Variants in SMAP1 observed in about 807,000 individuals in gnomAD.
SMAP1 encodes the protein small ArfGAP 1.
Under a neutral mutation model 58.5 loss-of-function variants are expected in SMAP1, and 24 were observed. The observed-to-expected ratio is 0.41, with a 90% CI of 0.30 to 0.58. The LOEUF is 0.58. SMAP1 is among the 20% of genes least tolerant of loss of function. The pLI is 0.29. For missense variants in SMAP1, 563 were observed against 566.3 expected (o/e 0.99, Z 0.06); for synonymous variants, 216 against 196.6 (o/e 1.10, Z -0.82).
intron 3 of SMAP1, among the ~76,000 whole-genome samples, chr6:70,762,859 A>G (rs548414179): frequency 2.6e-5 from 4 of 152,160 alleles, no homozygotes; most frequent in South Asian, 2.1e-4. Flanking sequence ...TCTCAACTGC[A>G]TTTGAATTAT....
chr6:70,753,559 G>A (rs1290833082), intron 2 of SMAP1, among the ~76,000 whole-genome samples: 2 of 152,038 alleles, frequency 1.3e-5, no homozygotes, highest in African/African-American at 4.8e-5. Flanking sequence ...TTTCAGGAAG[G>A]GTGAGCTATA....
chr6:70,850,037 AC>A (rs1188299948), intron 7 of SMAP1, among the ~76,000 whole-genome samples: 3 of 152,224 alleles, frequency 2.0e-5, no homozygotes, highest in Non-Finnish European at 4.4e-5. Context: ...GTGTTGTTTT[AC>A]GGATTAGAAA....
intron 2 of SMAP1, among the ~76,000 whole-genome samples, chr6:70,742,623 C>T (rs1765863261): frequency 6.6e-6 from 1 of 152,210 alleles, no homozygotes; most frequent in Non-Finnish European, 1.5e-5. Context: ...CTGCCTGTTC[C>T]CCAGTTCCAA....
At chr6:70,780,358 T>A (rs1448769046) in intron 4 of SMAP1, among the ~76,000 whole-genome samples, 1 of 152,134 alleles carries the variant, frequency 6.6e-6, no homozygotes, top group South Asian at 2.1e-4. Flanking sequence ...GGAGGATCGC[T>A]TGAGTCCAGG....
At chr6:70,773,746 A>G (rs751593440) in intron 4 of SMAP1, among the ~76,000 whole-genome samples, 1 of 152,200 alleles carries the variant, frequency 6.6e-6, no homozygotes, top group Non-Finnish European at 1.5e-5. Context: ...AATGTATGAA[A>G]AAGAAAAAAG....
At chr6:70,838,630 G>A (rs1305503216) in intron 7 of SMAP1, among the ~76,000 whole-genome samples, 1 of 152,058 alleles carries the variant, frequency 6.6e-6, no homozygotes, top group Non-Finnish European at 1.5e-5. Flanking sequence ...CAGATGCAAA[G>A]GCTCTTCAGT....
chr6:70,792,101 A>G (rs1175061850), intron 5 of SMAP1, among the ~76,000 whole-genome samples: 1 of 152,146 alleles, frequency 6.6e-6, no homozygotes, highest in Non-Finnish European at 1.5e-5. Context: ...TTCTGTTGTT[A>G]AAAGCACTTA....
intron 3 of SMAP1, among the ~76,000 whole-genome samples, chr6:70,758,774 C>T (rs1297023251): frequency 6.6e-6 from 1 of 152,048 alleles, no homozygotes; most frequent in Non-Finnish European, 1.5e-5. Context: ...TTAAGATTGG[C>T]TTTGGTTCTG....
chr6:70,748,890 A>G (rs1766157701), intron 2 of SMAP1, among the ~76,000 whole-genome samples: 1 of 152,110 alleles, frequency 6.6e-6, no homozygotes, highest in African/African-American at 2.4e-5. Flanking sequence ...ATATATATAT[A>G]TATACACAGA....
chr6:70,814,779 A>T (rs1769545066), intron 6 of SMAP1, among the ~76,000 whole-genome samples: 1 of 152,146 alleles, frequency 6.6e-6, no homozygotes, highest in Non-Finnish European at 1.5e-5. Flanking sequence ...TTGGTCTGAC[A>T]GTTTGTTCTT....
At chr6:70,710,311 T>G (rs907133326) in intron 1 of SMAP1, among the ~76,000 whole-genome samples, 1 of 151,674 alleles carries the variant, frequency 6.6e-6, no homozygotes, top group East Asian at 1.9e-4. Flanking sequence ...GCCAACATGG[T>G]GAAACCCCAT....
chr6:70,751,721 A>G (rs1226281431), intron 2 of SMAP1, among the ~76,000 whole-genome samples: 3 of 152,216 alleles, frequency 2.0e-5, no homozygotes, highest in Non-Finnish European at 4.4e-5. Context: ...AAGCAAGTTT[A>G]GAAAATTTAA....
chr6:70,691,558 A>G (rs1239822101), intron 1 of SMAP1, among the ~76,000 whole-genome samples: 1 of 152,106 alleles, frequency 6.6e-6, no homozygotes, highest in Non-Finnish European at 1.5e-5. Context: ...CATTCTAACT[A>G]TATATTTAAA....
At chr6:70,745,255 A>G (rs1005958546) in intron 2 of SMAP1, among the ~76,000 whole-genome samples, 9 of 152,174 alleles carry the variant, frequency 5.9e-5, no homozygotes, top group African/African-American at 1.7e-4. Flanking sequence ...GCCCATGCCT[A>G]TGTCTTGAAT....
intron 6 of SMAP1, among the ~76,000 whole-genome samples, chr6:70,800,017 C>G (rs1226896928): frequency 6.6e-6 from 1 of 152,026 alleles, no homozygotes; most frequent in East Asian, 1.9e-4. Flanking sequence ...AGGCCCAGTG[C>G]CTTTTCATGT....
intron 10 of SMAP1, 195 bp from the exon 11 acceptor site, chr6:70,860,005 T>G (rs765372727): frequency 9.9e-6 from 5 of 506,908 alleles, no homozygotes; most frequent in Non-Finnish European, 1.6e-5. Flanking sequence ...TTGGGGAAAC[T>G]GTATCTAGAA....
At chr6:70,675,721 G>A (rs1268950580) in intron 1 of SMAP1, among the ~76,000 whole-genome samples, 2 of 151,886 alleles carry the variant, frequency 1.3e-5, no homozygotes, top group East Asian at 3.9e-4. Context: ...CTGGGGATTA[G>A]CAGGGGATAG....
intron 5 of SMAP1, among the ~76,000 whole-genome samples, chr6:70,792,751 A>G (rs554564582): frequency 3.9e-5 from 6 of 152,196 alleles, no homozygotes; most frequent in Non-Finnish European, 5.9e-5. Flanking sequence ...CAAGGCTCCT[A>G]TCTTTCTCAT....
At chr6:70,766,666 G>T in intron 3 of SMAP1, among the ~76,000 whole-genome samples, 1 of 152,032 alleles carries the variant, frequency 6.6e-6, no homozygotes, top group East Asian at 1.9e-4. Context: ...AGATGAATAG[G>T]TTGCAAAAAT....
Sources: gnomAD v4.1 joint callset for allele counts (sites outside exome capture counted in the v4.1 genomes callset) on GRCh38, gnomAD v4.1.1 for gene constraint, MANE v1.5 for transcripts, NCBI Gene and HGNC (gene_info 2026-07-23, HGNC 2026-07-21) for gene names.